The following CCZ1B variants were observed in gnomAD, a reference collection of about 807,000 sequenced individuals.
CCZ1B encodes CCZ1B vacuolar protein trafficking and biogenesis associated, also known as vacuolar fusion protein CCZ1 homolog B.
CCZ1B carries 25 observed loss-of-function variants against 58.8 expected under a neutral mutation model. The ratio of observed to expected loss-of-function variants is 0.43; its 90% CI spans 0.31 to 0.59. The LOEUF is 0.59. Ranked by LOEUF, CCZ1B falls within the 20% of genes least tolerant of loss-of-function variation. The pLI, the probability that CCZ1B is intolerant of heterozygous loss-of-function variation, is 0.12. For synonymous variants in CCZ1B, 66 were observed against 173.2 expected (o/e 0.38, Z 4.86); for missense variants, 180 against 501.5 (o/e 0.36, Z 6.12).
At chr7:6,800,482 C>CT (rs1782746594) in intron 14 of CCZ1B, among the ~76,000 whole-genome samples, 1 of 138,836 alleles carries the variant, frequency 7.2e-6, no homozygotes, top group Non-Finnish European at 1.5e-5. Flanking sequence ...GAGCAAGACT[C>CT]TGTTTCAAAA....
At chr7:6,812,893 C>G in intron 9 of CCZ1B, 83 bp downstream of exon 9, 1 of 1,546,644 alleles carries the variant, frequency 6.5e-7, no homozygotes, top group Non-Finnish European at 8.7e-7. Context: ...TGCCACTGCT[C>G]TCCAGCCTGG....
chr7:6,808,399 CAAAAA>C (rs1562427257), intron 10 of CCZ1B, among the ~76,000 whole-genome samples: 2 of 51,320 alleles, frequency 3.9e-5, no homozygotes, highest in African/African-American at 6.7e-5. Flanking sequence ...AAAAAAAAAA[CAAAAA>C]ACAAAACAAA....
chr7:6,822,429 A>G, intron 5 of CCZ1B, 65 bp from the exon 6 acceptor site: 1 of 1,546,074 alleles, frequency 6.5e-7, no homozygotes, highest in East Asian at 2.2e-5. Flanking sequence ...CAGTATAACA[A>G]GTTCTTTTTT....
intron 10 of CCZ1B, among the ~76,000 whole-genome samples, chr7:6,808,734 G>A (rs1263128980): frequency 1.3e-5 from 2 of 151,998 alleles, no homozygotes; most frequent in Non-Finnish European, 2.9e-5. Flanking sequence ...GTTTTGAGAT[G>A]GGGTCTCACT....
At chr7:6,819,681 T>C (rs931212949) in intron 7 of CCZ1B, 85 bp downstream of exon 7, 9 of 763,572 alleles carry the variant, frequency 1.2e-5, no homozygotes, top group Non-Finnish European at 1.9e-5. Flanking sequence ...CAAGTTCCTG[T>C]TTGACAACCT....
At chr7:6,817,114 G>GAC (rs1169681805) in intron 7 of CCZ1B, among the ~76,000 whole-genome samples, 28 of 152,406 alleles carry the variant, frequency 1.8e-4, no homozygotes, top group African/African-American at 6.5e-4. Flanking sequence ...TCCTGGGACT[G>GAC]ACCTTTCCCC....
At chr7:6,824,395 T>C (rs1783161837) in intron 3 of CCZ1B, 60 bp downstream of exon 3, 2 of 1,578,510 alleles carry the variant, frequency 1.3e-6, no homozygotes, top group Non-Finnish European at 1.7e-6. Context: ...TTCTGAACAG[T>C]AAAGATCACC....
intron 8 of CCZ1B, among the ~76,000 whole-genome samples, chr7:6,814,170 A>T (rs981167506): frequency 1.3e-5 from 2 of 149,014 alleles, no homozygotes; most frequent in African/African-American, 5.1e-5. Context: ...ATAAATAAAT[A>T]AAATAAAATA....
At position 6,819,825 on chromosome 7, in the gene CCZ1B, C is replaced by T. The variant is rs761197609; in HGVS notation, c.639G>A (p.Met213Ile). Residue 213 changes from methionine to isoleucine, a missense_variant, in exon 7 of 15, where the codon ATG becomes ATA. By Grantham distance (10) the Met-to-Ile change is conservative. Transcript: ENST00000316731. ...YLKIQSFINRMEESLNIVKYT... is the reference protein window; with the variant it reads ...YLKIQSFINRIEESLNIVKYT... ...ATTTGACTATATTCAGGCTTTCCTCCATTCTATTAATAAAGGACTGGATTT... is the reference window on the plus strand; with the variant it reads ...ATTTGACTATATTCAGGCTTTCCTCTATTCTATTAATAAAGGACTGGATTT... The T allele has an allele frequency of 1.9e-6, 3 of 1,568,426 alleles. No homozygotes were observed. Among genetic ancestry groups the T allele is most frequent in the Non-Finnish European group, 2.6e-6 (3 of 1,147,044 alleles).
intron 10 of CCZ1B, among the ~76,000 whole-genome samples, chr7:6,808,384 CAAAAAAAA>C (rs766038650): frequency 4.2e-5 from 4 of 94,606 alleles, no homozygotes; most frequent in Non-Finnish European, 8.6e-5. Flanking sequence ...ACCAAAAAAC[CAAAAAAAA>C]AAAAAACAAA....
chr7:6,821,437 G>C (rs1033686525), intron 6 of CCZ1B, among the ~76,000 whole-genome samples: 2 of 152,304 alleles, frequency 1.3e-5, no homozygotes, highest in African/African-American at 4.8e-5. Context: ...TATGCGAGTG[G>C]ATAATTGTGG....
At chr7:6,809,539 T>C (rs1024736874) in intron 10 of CCZ1B, among the ~76,000 whole-genome samples, 2 of 142,800 alleles carry the variant, frequency 1.4e-5, no homozygotes, top group Non-Finnish European at 3.0e-5. Context: ...ATTTTTTTCT[T>C]GAGATGGGGT....
rs1451486111 is a variant in CCZ1B, at chr7:6,818,616, AC to A, written c.698+1149del. 1.3e-3 allele frequency among the ~76,000 whole-genome samples: 167 copies of A among 127,152 alleles called. 2 individuals carry two copies. The highest frequency in any genetic ancestry group is 0.011 in the Middle Eastern group (3 of 268). 83.4% of individuals were successfully genotyped at this position (127,152 alleles called of 152,430 possible). A position where few individuals can be genotyped will look rare whatever the true frequency, so the allele number is the denominator to read the frequency against. On this transcript the variant is annotated intron_variant, in intron 7 of 14. Transcript: ENST00000316731. ...GACAGAAAGAAAGAAAGAAAGAAAG[AC>A]AAGAAAGAAAGAAAGACAAGAAAGA...
At chr7:6,819,245 T>G (rs188160665) in intron 7 of CCZ1B, among the ~76,000 whole-genome samples, 5 of 147,914 alleles carry the variant, frequency 3.4e-5, no homozygotes, top group African/African-American at 5.1e-5. Flanking sequence ...ACATTCTTTT[T>G]TTTTTTTTGG....
intron 7 of CCZ1B, among the ~76,000 whole-genome samples, chr7:6,818,648 A>C (rs1562431331): frequency 7.1e-6 from 1 of 140,332 alleles, no homozygotes; most frequent in African/African-American, 2.7e-5. Context: ...AAAGAAAGAA[A>C]GACAGAAAGA....
chr7:6,815,685 G>A (rs1782989091), intron 7 of CCZ1B, among the ~76,000 whole-genome samples: 1 of 148,978 alleles, frequency 6.7e-6, no homozygotes, highest in African/African-American at 2.5e-5. Context: ...TTAAACTTCA[G>A]CCCAGGCACT....
chr7:6,817,975 G>C lies in CCZ1B; in HGVS notation c.698+1791C>G, dbSNP rs1247471261. ...GCCAAGATCATGCCACTGCACTCCAGCCTGGGCAACAGAAAGCGACTCCAT... is the reference window on the plus strand; with the variant it reads ...GCCAAGATCATGCCACTGCACTCCACCCTGGGCAACAGAAAGCGACTCCAT... On this transcript the variant is annotated intron_variant, in intron 7 of 14. Transcript: ENST00000316731. 2.7e-5 allele frequency among the ~76,000 whole-genome samples: 4 copies of C among 148,782 alleles called. 1 individual carries two copies. The highest frequency in any genetic ancestry group is 1.0e-4 in the African/African-American group (4 of 39,126).
chr7:6,813,017 T>G lies in CCZ1B; in HGVS notation c.801A>C (p.Pro267=). 6.3e-7 allele frequency: 1 copy of G among 1,581,024 alleles called. No individual in the cohort carries two copies. The highest frequency in any genetic ancestry group is 1.1e-5 in the South Asian group (1 of 88,640). ...GATTTCCTGGCATTTCTGCTCTTAT[T>G]GGAGAATCCCTTCCTGCTAACTGCA... ...IEPELAGRDS[P]IRAEMPGNLQ... Residue 267 remains proline, a synonymous_variant, in exon 9 of 15, where the codon CCA becomes CCC. Transcript: ENST00000316731.
chr7:6,822,741 G>A (rs1783131821), intron 5 of CCZ1B, among the ~76,000 whole-genome samples: 1 of 111,400 alleles, frequency 9.0e-6, no homozygotes, highest in Admixed American at 1.1e-4. Context: ...TCTCGCTGTT[G>A]CCCAGGGTAG....
Sources: allele counts gnomAD v4.1 joint callset (sites outside exome capture counted in the v4.1 genomes callset), GRCh38; gene constraint gnomAD v4.1.1; transcripts MANE v1.5; gene names NCBI Gene and HGNC (gene_info 2026-07-23, HGNC 2026-07-21).